The following CD209 variants were observed in gnomAD, a reference collection of about 807,000 sequenced individuals.
The protein encoded by CD209 is CD209 antigen.
CD209 carries 31 observed loss-of-function variants against 44.7 expected under a neutral mutation model. The ratio of observed to expected loss-of-function variants is 0.69; its 90% CI spans 0.52 to 0.94. The LOEUF (loss-of-function observed/expected upper bound fraction) is 0.94. Ranked by LOEUF, CD209 falls within the 40% of genes least tolerant of loss-of-function variation. The pLI is 0.00. For synonymous variants in CD209, 173 were observed against 181.3 expected, an observed-to-expected ratio of 0.95 and a Z score of 0.37; for missense variants, 407 against 452.4, an observed-to-expected ratio of 0.90 and a Z score of 0.91.
At chr19:7,747,211 G>A in intron 2 of CD209, 95 bp downstream of exon 2, 1 of 1,302,820 alleles carries the variant, frequency 7.7e-7, no homozygotes. Flanking sequence ...CACATCCCCA[G>A]GACCCAAGAG....
chr19:7,740,791 A>C lies in CD209; in HGVS notation c.*2248T>G, dbSNP rs1181725533. ...GAACAATGGGAAGAACAGCAGAGGAAAGAGAGAGAGGAGGAGGAACAGAAA... is the reference window on the plus strand; with the variant it reads ...GAACAATGGGAAGAACAGCAGAGGACAGAGAGAGAGGAGGAGGAACAGAAA... On this transcript the variant is annotated 3_prime_UTR_variant, in exon 7 of 7. Coordinates refer to ENST00000315599, the MANE Select transcript of CD209 (RefSeq NM_021155.4). 1.3e-5 allele frequency: 10 copies of C among 762,670 alleles called. No homozygotes were observed. The highest frequency in any genetic ancestry group is 2.3e-4 in the Middle Eastern group (1 of 4,358). 47.2% of individuals were successfully genotyped at this position (762,670 alleles called of 1,614,324 possible).
intron 4 of CD209, 125 bp downstream of exon 4, chr19:7,745,391 TCA>T: frequency 6.5e-7 from 1 of 1,547,180 alleles, no homozygotes; most frequent in South Asian, 1.2e-5. Flanking sequence ...AGGGCAATGA[TCA>T]CAGTTACCCT....
Position 7,747,372 on chromosome 19 carries a change from G to T in CD209, c.47-7C>A, listed in dbSNP as rs752676697. On this transcript the variant is annotated splice_polypyrimidine_tract_variant and splice_region_variant and intron_variant, in intron 1 of 6. Coordinates refer to ENST00000315599, the MANE Select transcript of CD209 (RefSeq NM_021155.4). ...CCTCTCAGCTGTTCCTCCTCTGAAT[G>T]GATAGACGTGAAATCAGAGCCTGGG... 1 of 1,614,162 alleles carries T rather than the reference G, an allele frequency of 6.2e-7. No individual in the cohort carries two copies. Among genetic ancestry groups the T allele is most frequent in the Non-Finnish European group, 8.5e-7 (1 of 1,179,990 alleles).
Position 7,743,117 on chromosome 19 carries a change from C to A in CD209, c.1137G>T (p.Lys379Asn). 2 of 1,614,182 alleles carry A rather than the reference C, an allele frequency of 1.2e-6. No homozygotes were observed. The highest frequency in any genetic ancestry group is 1.7e-6 in the Non-Finnish European group (2 of 1,180,030). The change falls in exon 7 of 7, where the codon AAG (lysine) becomes AAT (asparagine). Residue 379 changes from lysine (K) to asparagine (N), a missense_variant. Lys to Asn is a moderately conservative substitution (Grantham distance 94). This residue lies in a region of CD209 where 200 missense variants were observed against 202.2 expected (regional missense o/e 0.99). Coordinates refer to ENST00000315599, the MANE Select transcript of CD209 (RefSeq NM_021155.4). ...CATCCCTGGAGCAGGAGGCTGCGGA[C>A]TTTTTGCAGATCCAGAATTTGGCAA... ...CNLAKFWICK[K>N]SAASCSRDEE...
Position 7,741,472 on chromosome 19 carries a change from C to T in CD209, c.*1567G>A, listed in dbSNP as rs529094961. The stretch of plus-strand genomic sequence containing the variant: ...GCGCCACTGCACTCCAGCCTGGCGA[C>T]AGAGCAAGACCCCATCTTTAAAAAA... On this transcript the variant is annotated 3_prime_UTR_variant, in exon 7 of 7. Coordinates refer to ENST00000315599, the MANE Select transcript of CD209 (RefSeq NM_021155.4). The T allele has an allele frequency of 1.1e-5, 5 of 467,688 alleles. No individual in the cohort carries two copies. Among genetic ancestry groups the T allele is most frequent in the African/African-American group, 1.0e-4 (5 of 49,268 alleles). The allele number at this position is 467,688 out of a possible 1,614,324, so 29.0% of individuals were successfully genotyped here.
chr19:7,740,613 AAAC>A lies in CD209; in HGVS notation c.*2423_*2425del, dbSNP rs1407412125. ...GAAAGAGGAGGACACTTTTATTGAA[AAAC>A]AACAACTAGAAAAGCTATGGGGAAG... On this transcript the variant is annotated 3_prime_UTR_variant, in exon 7 of 7. Transcript: ENST00000315599. The A allele has an allele frequency of 2.0e-5, 16 of 801,654 alleles. No homozygotes were observed. Among genetic ancestry groups the A allele is most frequent in the Non-Finnish European group, 2.9e-5 (13 of 440,796 alleles). 49.7% of individuals were successfully genotyped at this position (801,654 alleles called of 1,614,324 possible). A position where few individuals can be genotyped will look rare whatever the true frequency, so the allele number is the denominator to read the frequency against.
At position 7,743,207 on chromosome 19, in the gene CD209, G is replaced by T; in HGVS notation, c.1047C>A (p.Asn349Lys). Residue 349 changes from asparagine (N) to lysine (K), a missense_variant, in exon 7 of 7, where the codon AAC becomes AAA. This residue lies in a region of CD209 where 200 missense variants were observed against 202.2 expected (regional missense o/e 0.99). Coordinates refer to ENST00000315599, the MANE Select transcript of CD209 (RefSeq NM_021155.4). ...FKQYWNRGEPNNVGEEDCAEF... is the reference protein window; with the variant it reads ...FKQYWNRGEPKNVGEEDCAEF... ...CCGCGCAGTCTTCCTCCCCAACGTT[G>T]TTGGGCTCTCCTCTGTTCCAATACT... 1 of 1,614,144 alleles carries T rather than the reference G, an allele frequency of 6.2e-7. No individual in the cohort carries two copies. The highest frequency in any genetic ancestry group is 1.3e-5 in the African/African-American group (1 of 75,020).
In CD209 at chr19:7,745,471, C is replaced by T. The variant is rs367624084; in HGVS notation, c.748+47G>A. The T allele has an allele frequency of 3.7e-6, 6 of 1,611,846 alleles. No homozygotes were observed. The African/African-American group carries it at 6.7e-5, about 18-fold the overall frequency. ...CAGTGACTCAAGCAAACTCACACCACACAACGACCATCTCAGGCCCAAGAA... is the reference window on the plus strand; with the variant it reads ...CAGTGACTCAAGCAAACTCACACCATACAACGACCATCTCAGGCCCAAGAA... On this transcript the variant is annotated intron_variant, in intron 4 of 6. Transcript: ENST00000315599.
In CD209 at chr19:7,741,745, A is replaced by T. The variant is rs2033622278; in HGVS notation, c.*1294T>A. 3.5e-6 allele frequency: 2 copies of T among 577,308 alleles called. No individual in the cohort carries two copies. The highest frequency in any genetic ancestry group is 6.7e-6 in the Non-Finnish European group (2 of 300,060). 35.8% of individuals were successfully genotyped at this position (577,308 alleles called of 1,614,324 possible). A position where few individuals can be genotyped will look rare whatever the true frequency, so the allele number is the denominator to read the frequency against. ...TTGAAATACAACAATGTCCAAGAGG[A>T]AAACACTGCAACTTTCTTCAGGTGT... On this transcript the variant is annotated 3_prime_UTR_variant, in exon 7 of 7. Coordinates refer to ENST00000315599, the MANE Select transcript of CD209 (RefSeq NM_021155.4).
chr19:7,741,182 T>C lies in CD209; in HGVS notation c.*1857A>G. The C allele has an allele frequency of 1.1e-6, 1 of 938,808 alleles. No individual in the cohort carries two copies. The highest frequency in any genetic ancestry group is 2.5e-5 in the Admixed American group (1 of 40,492). 58.2% of individuals were successfully genotyped at this position (938,808 alleles called of 1,614,324 possible). On this transcript the variant is annotated 3_prime_UTR_variant, in exon 7 of 7. Transcript: ENST00000315599. ...GATGTGCTGCCCGAGTTCAAGAACG[T>C]GGGGAGAGACTGGGCGCGGTGGCTC...
At chr19:7,744,268 A>G in intron 5 of CD209, 49 bp from the exon 6 acceptor site, 2 of 1,363,664 alleles carry the variant, frequency 1.5e-6, no homozygotes, top group South Asian at 1.2e-5. Flanking sequence ...CCCATTTTCC[A>G]GGCTCTGTCT....
rs143531930 is a variant in CD209 at position 7,743,060 on chromosome 19, G to A, written c.1194C>T (p.Thr398=). 3 of 1,613,656 alleles carry A rather than the reference G, an allele frequency of 1.9e-6. No homozygotes were observed. Among genetic ancestry groups the A allele is most frequent in the Non-Finnish European group, 2.5e-6 (3 of 1,179,682 alleles). ...EEQFLSPAPA[T]PNPPPA ...TCTGCTACGCAGGAGGGGGGTTTGG[G>A]GTGGCAGGGGCTGGAGAAAGAAACT... The change falls in exon 7 of 7, where the codon ACC becomes ACT. Residue 398 remains threonine, a synonymous_variant. Transcript: ENST00000315599.
At position 7,746,040 on chromosome 19, in the gene CD209, C is replaced by A; in HGVS notation, c.226G>T (p.Ala76Ser). ...AGCTGGGTCAGGTTCTGGTAGATCG[C>A]GTCTTGCCTGGATTGTTCCTGACTT... is the stretch of plus-strand genomic sequence containing the variant. The part of the protein sequence containing the change: ...SISQEQSRQD[A>S]IYQNLTQLKA... The change falls in exon 4 of 7, where the codon GCG (alanine) becomes TCG (serine). Residue 76 changes from alanine (A) to serine (S), a missense_variant. Physicochemically the swap from Ala to Ser is moderately conservative, Grantham distance 99. Coordinates refer to ENST00000315599, the MANE Select transcript of CD209 (RefSeq NM_021155.4). The A allele has an allele frequency of 6.2e-7, 1 of 1,614,240 alleles. No homozygotes were observed. The highest frequency in any genetic ancestry group is 1.3e-5 in the African/African-American group (1 of 75,054).
chr19:7,746,770 C>G (rs2033845793), intron 2 of CD209, among the ~76,000 whole-genome samples: 2 of 151,580 alleles, frequency 1.3e-5, no homozygotes, highest in African/African-American at 4.9e-5. Context: ...TCCCCAGGAC[C>G]CAGGAATCCA....
intron 6 of CD209, 75 bp from the exon 7 acceptor site, chr19:7,743,315 T>C: frequency 7.7e-7 from 1 of 1,294,624 alleles, no homozygotes; most frequent in Non-Finnish European, 1.1e-6. Flanking sequence ...TCTGTCATCT[T>C]GATGCCTTAA....
intron 2 of CD209, among the ~76,000 whole-genome samples, chr19:7,746,858 A>C (rs1453733584): frequency 3.9e-4 from 40 of 101,620 alleles, no homozygotes; most frequent in African/African-American, 9.3e-4. Flanking sequence ...GGGACCCAGG[A>C]CCCAGCCTCC....
chr19:7,743,235 T>C lies in CD209; in HGVS notation c.1019A>G (p.Lys340Arg). 1.9e-6 allele frequency: 3 copies of C among 1,613,944 alleles called. No homozygotes were observed. The highest frequency in any genetic ancestry group is 2.5e-6 in the Non-Finnish European group (3 of 1,179,798). Reference protein sequence around the residue: ...VDGSPLLPSFKQYWNRGEPNN... With the variant: ...VDGSPLLPSFRQYWNRGEPNN... ...GGGCTCTCCTCTGTTCCAATACTGC[T>C]TGAAGCTGCAAAGCCCATGCGGAAT... The change falls in exon 7 of 7, where the codon AAG (lysine) becomes AGG (arginine). Residue 340 changes from lysine (K) to arginine (R), a missense_variant. Around this residue, in one of 3 missense-constraint regions of CD209, gnomAD observed 200 missense variants for 202.2 expected, o/e 0.99. Transcript: ENST00000315599.
rs2033577715 is a variant in CD209, at chr19:7,740,518, C to T, written c.*2521G>A. 3 of 1,156,524 alleles carry T rather than the reference C, an allele frequency of 2.6e-6. No homozygotes were observed. In the African/African-American group the frequency reaches 4.5e-5, roughly 17 times the overall value. The allele number at this position is 1,156,524 out of a possible 1,614,324, so 71.6% of individuals were successfully genotyped here. On this transcript the variant is annotated 3_prime_UTR_variant, in exon 7 of 7. Coordinates refer to ENST00000315599, the MANE Select transcript of CD209 (RefSeq NM_021155.4). The stretch of plus-strand genomic sequence containing the variant: ...CCAAGCCACAAAAAGTACAGGGCCG[C>T]CCTGAAGAAGGAGAAACGAAAGAAA...
intron 4 of CD209, 124 bp from the exon 5 acceptor site, chr19:7,745,216 CCCCTCCCCACTTCCCGAGA>C: frequency 7.6e-7 from 1 of 1,309,376 alleles, no homozygotes; most frequent in Non-Finnish European, 1.0e-6. Flanking sequence ...GTAGACCATT[CCCCTCCCCACTTCCCGAGA>C]CCCTCCCCCA....
Sources: allele counts gnomAD v4.1 joint callset (sites outside exome capture counted in the v4.1 genomes callset), GRCh38; gene constraint gnomAD v4.1.1; regional missense constraint gnomAD v4.1.1; transcripts MANE v1.5; gene names NCBI Gene and HGNC (gene_info 2026-07-23, HGNC 2026-07-21).